WDSUB1: variants seen among roughly 807,000 people sequenced by gnomAD.
WDSUB1 encodes the protein WD repeat, SAM and U-box domain-containing protein 1.
Under a neutral mutation model 53.9 loss-of-function variants are expected in WDSUB1, and 49 were observed. The ratio of observed to expected loss-of-function variants is 0.91; its 90% CI spans 0.72 to 1.15. The LOEUF (loss-of-function observed/expected upper bound fraction) is 1.15. Ranked by LOEUF, WDSUB1 falls within the 50% of genes most tolerant of loss-of-function variation. The pLI, the probability that WDSUB1 is intolerant of heterozygous loss-of-function variation, is 0.00. For synonymous variants in WDSUB1, 194 were observed against 200.6 expected (o/e 0.97, Z 0.28); for missense variants, 514 against 562.0 (o/e 0.91, Z 0.86).
At chr2:159,280,786 C>T (rs755053086) in intron 2 of WDSUB1, among the ~76,000 whole-genome samples, 2 of 150,248 alleles carry the variant, frequency 1.3e-5, no homozygotes, top group Admixed American at 1.3e-4. Context: ...GTTAAAATTA[C>T]GTTAGGAAGA....
At position 159,247,910 on chromosome 2, in the gene WDSUB1, A is replaced by AAT. The variant is rs1300223913; in HGVS notation, c.1273+460_1273+461dup. Among the ~76,000 whole-genome samples the AAT allele has an allele frequency of 2.9e-3, 51 of 17,662 alleles. 1 individual carries two copies. Among genetic ancestry groups the AAT allele is most frequent in the South Asian group, 0.024 (15 of 630 alleles). The allele number at this position is 17,662 out of a possible 152,430, so 11.6% of individuals were successfully genotyped here. On this transcript the variant is annotated intron_variant, in intron 10 of 10. Coordinates refer to ENST00000359774, the MANE Select transcript of WDSUB1 (RefSeq NM_001128212.3). Reference sequence around the variant, plus strand: ...AAATATATATATATATATATATATAAATATATATATATATATAAATATATA... The same window carrying AAT: ...AAATATATATATATATATATATATAAATATATATATATATATATAAATATATA...
chr2:159,244,887 G>C (rs2060754015), intron 10 of WDSUB1, among the ~76,000 whole-genome samples: 2 of 152,164 alleles, frequency 1.3e-5, no homozygotes, highest in African/African-American at 4.8e-5. Context: ...TTAAGATTGT[G>C]CCACTGCATG....
rs1558874236 is a variant in WDSUB1 at position 159,275,594 on chromosome 2, G to GACCAC, written c.623_627dup (p.Gln210ValfsTer18). The GACCAC allele has an allele frequency of 6.2e-7, 1 of 1,608,622 alleles. No homozygotes were observed. Among genetic ancestry groups the GACCAC allele is most frequent in the Admixed American group, 1.7e-5 (1 of 59,034 alleles). ...ATCCAAATTTTGACTTGGCAATCCT[G>GACCAC]ACCACATGATGCCAGTCGAAAAAAC... is the stretch of plus-strand genomic sequence containing the variant. On this transcript the variant is annotated frameshift_variant, in exon 4 of 11. Transcript: ENST00000359774. LOFTEE classifies it high-confidence loss of function.
intron 10 of WDSUB1, among the ~76,000 whole-genome samples, chr2:159,248,136 AAATACACATTTC>A (rs2060860483): frequency 6.6e-6 from 1 of 151,694 alleles, no homozygotes; most frequent in African/African-American, 2.4e-5. Context: ...CCTAGCAACT[AAATACACATTTC>A]ACAAGTTTAA....
At chr2:159,248,244 G>A (rs1259892625) in intron 10 of WDSUB1, 128 bp downstream of exon 10, 1 of 1,053,426 alleles carries the variant, frequency 9.5e-7, no homozygotes, top group Non-Finnish European at 1.3e-6. Context: ...GTTCACCCAA[G>A]GTTTAATTAG....
intron 10 of WDSUB1, among the ~76,000 whole-genome samples, chr2:159,247,053 TG>T (rs143896002): frequency 8.3e-4 from 127 of 152,376 alleles, no homozygotes; most frequent in Non-Finnish European, 1.5e-3. Flanking sequence ...TTACACTCTT[TG>T]CTGCCAGGTT....
rs1335844256 is a variant in WDSUB1 at position 159,271,712 on chromosome 2, G to C, written c.760C>G (p.Leu254Val). The C allele has an allele frequency of 2.5e-6, 4 of 1,613,862 alleles. No individual in the cohort carries two copies. The South Asian group carries it at 3.3e-5, about 13-fold the overall frequency. Residue 254 changes from leucine to valine, a missense_variant, in exon 5 of 11, where the codon CTA becomes GTA. Leu to Val is a conservative substitution (Grantham distance 32). Coordinates refer to ENST00000359774, the MANE Select transcript of WDSUB1 (RefSeq NM_001128212.3). ...AACCAACTAGCTTACCCTGAGACTA[G>C]CATCTGCCCATCATGGGAAAAAGCA... ...ACAFSHDGQM[L>V]VSGSVDKSVI...
chr2:159,262,684 G>C (rs1013294238), intron 5 of WDSUB1, among the ~76,000 whole-genome samples: 14 of 152,144 alleles, frequency 9.2e-5, no homozygotes, highest in Non-Finnish European at 1.9e-4. Flanking sequence ...AGGTAAATTA[G>C]GGTTAGGGAA....
intron 8 of WDSUB1, among the ~76,000 whole-genome samples, chr2:159,257,378 A>G (rs1318478666): frequency 6.9e-6 from 1 of 144,266 alleles, no homozygotes; most frequent in Non-Finnish European, 1.5e-5. Context: ...CTGTCAAATG[A>G]TTTACTAACT....
chr2:159,239,706 T>C (rs2060590893), intron 10 of WDSUB1, among the ~76,000 whole-genome samples: 1 of 152,196 alleles, frequency 6.6e-6, no homozygotes, highest in South Asian at 2.1e-4. Context: ...GTGGATCACT[T>C]GAGCCCTGGA....
intron 10 of WDSUB1, 122 bp from the exon 11 acceptor site, chr2:159,236,312 C>T: frequency 1.0e-6 from 1 of 966,088 alleles, no homozygotes; most frequent in Non-Finnish European, 1.5e-6. Flanking sequence ...TTATTCCTGT[C>T]TTGCTTGTAC....
At chr2:159,281,070 A>G (rs543770075) in intron 2 of WDSUB1, among the ~76,000 whole-genome samples, 1 of 152,204 alleles carries the variant, frequency 6.6e-6, no homozygotes, top group Admixed American at 6.5e-5. Flanking sequence ...TCTTCAACCC[A>G]AAGACCTAAG....
intron 5 of WDSUB1, among the ~76,000 whole-genome samples, chr2:159,267,831 T>C (rs1296671398): frequency 2.0e-5 from 3 of 152,246 alleles, no homozygotes; most frequent in Non-Finnish European, 4.4e-5. Context: ...AATATGCCTG[T>C]CAATTCTTCT....
intron 8 of WDSUB1, among the ~76,000 whole-genome samples, chr2:159,257,161 G>A (rs1218413723): frequency 2.6e-5 from 4 of 151,952 alleles, no homozygotes; most frequent in African/African-American, 9.7e-5. Context: ...ACCCCCATGT[G>A]TGGCTAATTT....
At chr2:159,258,536 G>A (rs2061118741) in intron 6 of WDSUB1, among the ~76,000 whole-genome samples, 1 of 152,190 alleles carries the variant, frequency 6.6e-6, no homozygotes, top group Non-Finnish European at 1.5e-5. Context: ...GCACGTGCCT[G>A]TAGTCCCAGC....
At chr2:159,276,225 C>G (rs113673357) in intron 3 of WDSUB1, among the ~76,000 whole-genome samples, 5,737 of 152,204 alleles carry the variant, frequency 0.038, 176 homozygotes, top group South Asian at 0.072. Flanking sequence ...CCACACCCGG[C>G]TAATTTCTGT....
At chr2:159,263,751 T>C (rs982145971) in intron 5 of WDSUB1, among the ~76,000 whole-genome samples, 1 of 152,212 alleles carries the variant, frequency 6.6e-6, no homozygotes, top group Non-Finnish European at 1.5e-5. Context: ...CTGCTTACTG[T>C]AAGCTAATGG....
intron 3 of WDSUB1, among the ~76,000 whole-genome samples, chr2:159,279,184 T>A (rs174265): frequency 0.061 from 9,268 of 152,174 alleles, 330 homozygotes; most frequent in African/African-American, 0.1. Flanking sequence ...AGAACTCCCA[T>A]CCACTAACAC....
chr2:159,276,922 T>C (rs1426556896), intron 3 of WDSUB1, among the ~76,000 whole-genome samples: 4 of 152,136 alleles, frequency 2.6e-5, no homozygotes, highest in African/African-American at 2.4e-5. Context: ...GGGGATCTCC[T>C]TGAGCCCAGG....
Sources: gnomAD v4.1 joint callset for allele counts (sites outside exome capture counted in the v4.1 genomes callset) on GRCh38, gnomAD v4.1.1 for gene constraint, MANE v1.5 for transcripts, NCBI Gene and HGNC (gene_info 2026-07-23, HGNC 2026-07-21) for gene names.